Variants in DOCK3 observed in about 807,000 individuals in gnomAD.
DOCK3 encodes dedicator of cytokinesis protein 3.
A neutral mutation model predicts 265.6 loss-of-function variants in DOCK3; 60 were observed. That is an observed-to-expected ratio of 0.23 (90% CI 0.18 to 0.28). The LOEUF is 0.28. DOCK3 is among the 10% of genes least tolerant of loss of function. The pLI, the probability that DOCK3 is intolerant of heterozygous loss-of-function variation, is 1.00. For missense variants in DOCK3, 1,981 were observed against 2,594.3 expected, an observed-to-expected ratio of 0.76 and a Z score of 5.14; for synonymous variants, 881 against 938.0, an observed-to-expected ratio of 0.94 and a Z score of 1.11.
At chr3:51,216,542 C>A (rs1462565909) in intron 14 of DOCK3, among the ~76,000 whole-genome samples, 2 of 152,174 alleles carry the variant, frequency 1.3e-5, no homozygotes, top group Non-Finnish European at 2.9e-5. Flanking sequence ...AGGACTGGTT[C>A]ATAGGCAGAG....
In DOCK3 at chr3:51,318,633, C is replaced by CA. The variant is rs2083502084; in HGVS notation, c.3402+3511dup. Among the ~76,000 whole-genome samples, 4 of 151,692 alleles carry CA rather than the reference C, an allele frequency of 2.6e-5. No homozygotes were observed. The South Asian group carries it at 8.3e-4, about 32-fold the overall frequency. On this transcript the variant is annotated intron_variant, in intron 32 of 52. Transcript: ENST00000266037. ...CTTTATTGTCAAGTATGCAGCATTT[C>CA]AAAAAATTGTTCTACATGAACTTGA...
chr3:50,928,554 T>C (rs2050894479), intron 4 of DOCK3, among the ~76,000 whole-genome samples: 1 of 152,232 alleles, frequency 6.6e-6, no homozygotes, highest in Non-Finnish European at 1.5e-5. Context: ...CATCTATTGA[T>C]GGACACTTGG....
intron 5 of DOCK3, among the ~76,000 whole-genome samples, chr3:51,037,285 A>G (rs1036401368): frequency 1.3e-5 from 2 of 152,056 alleles, no homozygotes; most frequent in Admixed American, 1.3e-4. Context: ...TGAAATGACC[A>G]TTATCTTTAT....
intron 27 of DOCK3, among the ~76,000 whole-genome samples, chr3:51,302,325 G>T (rs1328687908): frequency 1.3e-5 from 2 of 152,070 alleles, no homozygotes; most frequent in East Asian, 3.8e-4. Flanking sequence ...GTGTATCTTT[G>T]CACATGAGAT....
At chr3:51,290,294 A>G (rs1409552278) in intron 27 of DOCK3, among the ~76,000 whole-genome samples, 1 of 152,242 alleles carries the variant, frequency 6.6e-6, no homozygotes, top group Admixed American at 6.5e-5. Flanking sequence ...GCAGATGTCC[A>G]ACAATGATAG....
chr3:51,164,449 C>T (rs962194591), intron 12 of DOCK3, among the ~76,000 whole-genome samples: 2 of 151,918 alleles, frequency 1.3e-5, no homozygotes, highest in Non-Finnish European at 2.9e-5. Context: ...GGTGAAACCC[C>T]GTCTCTAGTA....
At chr3:50,832,647 C>G (rs984354119) in intron 2 of DOCK3, among the ~76,000 whole-genome samples, 4 of 152,174 alleles carry the variant, frequency 2.6e-5, no homozygotes, top group Non-Finnish European at 4.4e-5. Context: ...CTTATTTTAC[C>G]TAGCCCCTAT....
chr3:51,204,566 TG>T (rs1268298791), intron 12 of DOCK3, among the ~76,000 whole-genome samples: 1 of 146,810 alleles, frequency 6.8e-6, no homozygotes, highest in Non-Finnish European at 1.5e-5. Flanking sequence ...ACACTGTTGG[TG>T]GGACTGTAAA....
At chr3:50,901,676 A>G (rs2049204940) in intron 4 of DOCK3, 1 of 454,056 alleles carries the variant, frequency 2.2e-6, no homozygotes, top group African/African-American at 2.0e-5. Flanking sequence ...GCTGGAGTGC[A>G]CTGTTCCTCA....
At chr3:51,380,813 C>G (rs1396223160) in intron 52 of DOCK3, among the ~76,000 whole-genome samples, 2 of 152,162 alleles carry the variant, frequency 1.3e-5, no homozygotes, top group Admixed American at 6.5e-5. Context: ...CCAGGGGGCA[C>G]CAATGCCCAG....
rs184000236 is a variant in DOCK3, at chr3:50,961,432, G to A, written c.315+27355G>A. On this transcript the variant is annotated intron_variant, in intron 5 of 52. Transcript: ENST00000266037. The stretch of plus-strand genomic sequence containing the variant: ...TGCATTGCTAGTTTATAAACAGAAT[G>A]GTTAGGGAAGTCCTTCATGATATGG... 5.3e-5 allele frequency among the ~76,000 whole-genome samples: 8 copies of A among 152,274 alleles called. No individual in the cohort carries two copies. In the East Asian group the frequency reaches 1.4e-3, roughly 26 times the overall value.
At chr3:51,253,449 C>T (rs2079373417) in intron 22 of DOCK3, among the ~76,000 whole-genome samples, 1 of 152,120 alleles carries the variant, frequency 6.6e-6, no homozygotes, top group Non-Finnish European at 1.5e-5. Flanking sequence ...GTACCAGCTC[C>T]TCTTTATACC....
Position 50,970,143 on chromosome 3 carries a change from GT to G in DOCK3, c.315+36069del, listed in dbSNP as rs561813326. 3.8e-3 allele frequency among the ~76,000 whole-genome samples: 581 copies of G among 152,260 alleles called. 2 individuals are homozygous for G. Among genetic ancestry groups the G allele is most frequent in the Non-Finnish European group, 6.8e-3 (464 of 68,014 alleles). ...GACCCAGTCTCTTCTGGCTTATAAA[GT>G]TTCTGCCGAGAAGTCTGCTGTCAGT... On this transcript the variant is annotated intron_variant, in intron 5 of 52. Coordinates refer to ENST00000266037, the MANE Select transcript of DOCK3 (RefSeq NM_004947.5).
intron 1 of DOCK3, among the ~76,000 whole-genome samples, chr3:50,762,516 G>A (rs2040596821): frequency 6.6e-6 from 1 of 152,076 alleles, no homozygotes; most frequent in African/African-American, 2.4e-5. Context: ...GTTGAGAAAT[G>A]GGGATGAATT....
intron 2 of DOCK3, among the ~76,000 whole-genome samples, chr3:50,828,782 C>T (rs531082398): frequency 6.0e-5 from 9 of 150,760 alleles, no homozygotes; most frequent in Non-Finnish European, 1.2e-4. Flanking sequence ...GGTGCCATCT[C>T]GGCTTACTGC....
At chr3:51,275,903 T>C (rs1210110206) in intron 25 of DOCK3, among the ~76,000 whole-genome samples, 4 of 152,222 alleles carry the variant, frequency 2.6e-5, no homozygotes, top group African/African-American at 9.6e-5. Flanking sequence ...TTATTTCATG[T>C]ACTTTTGATA....
intron 5 of DOCK3, among the ~76,000 whole-genome samples, chr3:51,016,851 A>ATAAATATATATGATATATGTTT (rs2079341623): frequency 5.1e-4 from 1 of 1,980 alleles, no homozygotes; most frequent in Non-Finnish European, 8.5e-4. Flanking sequence ...GTTTATATAT[A>ATAAATATATATGATATATGTTT]TCATATATAA....
intron 2 of DOCK3, among the ~76,000 whole-genome samples, chr3:50,827,950 C>CTT (rs575001275): frequency 6.2e-5 from 9 of 144,832 alleles, no homozygotes; most frequent in South Asian, 2.2e-4. Context: ...AACATGCACT[C>CTT]TTTTTTTTTT....
chr3:50,951,993 C>T (rs890129635), intron 5 of DOCK3, among the ~76,000 whole-genome samples: 7 of 152,090 alleles, frequency 4.6e-5, no homozygotes, highest in Non-Finnish European at 8.8e-5. Flanking sequence ...AGCACATTTT[C>T]GACAGAAATA....
Sources: gnomAD v4.1 joint callset for allele counts (sites outside exome capture counted in the v4.1 genomes callset) on GRCh38, gnomAD v4.1.1 for gene constraint, MANE v1.5 for transcripts, NCBI Gene and HGNC (gene_info 2026-07-23, HGNC 2026-07-21) for gene names.